CDH18: variants seen among roughly 807,000 people sequenced by gnomAD.
CDH18 encodes cadherin-18.
Under a neutral mutation model 67.9 loss-of-function variants are expected in CDH18, and 31 were observed. The observed-to-expected ratio is 0.46, with a 90% CI of 0.34 to 0.62. The LOEUF is 0.62. Ranked by LOEUF, CDH18 falls within the 20% of genes least tolerant of loss-of-function variation. The pLI is 0.01. For synonymous variants in CDH18, 362 were observed against 347.2 expected (o/e 1.04, Z -0.48); for missense variants, 890 against 975.5 (o/e 0.91, Z 1.17).
chr5:19,802,032 T>C (rs1487298755), intron 3 of CDH18, among the ~76,000 whole-genome samples: 1 of 152,048 alleles, frequency 6.6e-6, no homozygotes, highest in African/African-American at 2.4e-5. Flanking sequence ...AGCATAACAA[T>C]GACAATCCTA....
At chr5:19,901,726 A>C (rs1789958752) in intron 2 of CDH18, among the ~76,000 whole-genome samples, 1 of 152,004 alleles carries the variant, frequency 6.6e-6, no homozygotes, top group Non-Finnish European at 1.5e-5. Flanking sequence ...AAAATTTTAG[A>C]CTCAAAATGA....
At chr5:20,184,826 G>T (rs903981968) in intron 2 of CDH18, among the ~76,000 whole-genome samples, 3 of 152,014 alleles carry the variant, frequency 2.0e-5, no homozygotes, top group African/African-American at 7.2e-5. Flanking sequence ...CACTGTCTAG[G>T]ACCAGGATTC....
At chr5:19,696,733 T>G (rs2150452301) in intron 5 of CDH18, among the ~76,000 whole-genome samples, 1 of 152,266 alleles carries the variant, frequency 6.6e-6, no homozygotes, top group East Asian at 1.9e-4. Context: ...GAATATGATT[T>G]ATCATCTATG....
intron 2 of CDH18, among the ~76,000 whole-genome samples, chr5:19,935,227 G>A (rs563959339): frequency 6.6e-6 from 1 of 151,198 alleles, no homozygotes; most frequent in African/African-American, 2.4e-5. Context: ...ACATTTACTT[G>A]TCCCAACTTG....
intron 1 of CDH18, among the ~76,000 whole-genome samples, chr5:20,521,551 A>G (rs1274630780): frequency 6.6e-6 from 1 of 152,102 alleles, no homozygotes; most frequent in East Asian, 1.9e-4. Context: ...GTATGAGACA[A>G]TGAATGTAGG....
chr5:19,822,917 C>T (rs1022731895), intron 3 of CDH18, among the ~76,000 whole-genome samples: 2 of 152,102 alleles, frequency 1.3e-5, no homozygotes, highest in Non-Finnish European at 2.9e-5. Context: ...ATCCCTACAG[C>T]TCGACCATAA....
At chr5:19,796,262 A>T (rs1312089542) in intron 3 of CDH18, among the ~76,000 whole-genome samples, 1 of 152,124 alleles carries the variant, frequency 6.6e-6, no homozygotes, top group Non-Finnish European at 1.5e-5. Flanking sequence ...ACAAATCCAC[A>T]ACAAGATTTA....
intron 2 of CDH18, among the ~76,000 whole-genome samples, chr5:19,889,512 T>C (rs889196044): frequency 6.6e-6 from 1 of 152,110 alleles, no homozygotes; most frequent in African/African-American, 2.4e-5. Context: ...CTTTTGTTTT[T>C]CTTTTGTTAT....
At chr5:20,127,460 A>C (rs1748928064) in intron 2 of CDH18, among the ~76,000 whole-genome samples, 1 of 152,110 alleles carries the variant, frequency 6.6e-6, no homozygotes, top group Non-Finnish European at 1.5e-5. Context: ...CAGTGGATGA[A>C]TGGAAATAGA....
chr5:20,190,995 T>C (rs1424975465), intron 2 of CDH18, among the ~76,000 whole-genome samples: 1 of 152,164 alleles, frequency 6.6e-6, no homozygotes, highest in Non-Finnish European at 1.5e-5. Context: ...CTTTTGCATT[T>C]TCAACCCATA....
chr5:19,960,546 C>CAT lies in CDH18; in HGVS notation c.-257+20513_-257+20514insAT, dbSNP rs1554071986. Among the ~76,000 whole-genome samples, 238 of 128,088 alleles carry CAT rather than the reference C, an allele frequency of 1.9e-3. 6 individuals are homozygous for CAT. The highest frequency in any genetic ancestry group is 7.9e-3 in the African/African-American group (215 of 27,052). The allele number at this position is 128,088 out of a possible 152,430, so 84.0% of individuals were successfully genotyped here. A position where few individuals can be genotyped will look rare whatever the true frequency, so the allele number is the denominator to read the frequency against. On this transcript the variant is annotated intron_variant, in intron 2 of 12. Transcript: ENST00000382275. ...GACCTGCCTGAGGATGTTTAATATACGTGTGTGTGTGTGTATGTGTGTGTG... is the reference window on the plus strand; with the variant it reads ...GACCTGCCTGAGGATGTTTAATATACATGTGTGTGTGTGTGTATGTGTGTGTG...
At chr5:20,260,190 C>G (rs1744541734) in intron 1 of CDH18, among the ~76,000 whole-genome samples, 2 of 151,256 alleles carry the variant, frequency 1.3e-5, no homozygotes, top group East Asian at 4.0e-4. Context: ...TATTGCTGTC[C>G]CCAACACTTC....
intron 5 of CDH18, among the ~76,000 whole-genome samples, chr5:19,657,484 A>T (rs1756559043): frequency 6.6e-6 from 1 of 152,154 alleles, no homozygotes; most frequent in Non-Finnish European, 1.5e-5. Flanking sequence ...GGTTTTAGAT[A>T]TTATTTGAAA....
chr5:20,088,801 C>T (rs550477700), intron 2 of CDH18, among the ~76,000 whole-genome samples: 154 of 152,242 alleles, frequency 1.0e-3, no homozygotes, highest in African/African-American at 3.3e-3. Flanking sequence ...GAACAAGGAA[C>T]ATTCAAGAGG....
intron 1 of CDH18, among the ~76,000 whole-genome samples, chr5:20,281,057 T>G (rs924526449): frequency 4.6e-5 from 7 of 152,214 alleles, no homozygotes; most frequent in Non-Finnish European, 1.0e-4. Flanking sequence ...TGGGGTTGTT[T>G]GTTTTTTTCT....
chr5:20,039,867 A>C (rs1740250121), intron 2 of CDH18, among the ~76,000 whole-genome samples: 1 of 152,188 alleles, frequency 6.6e-6, no homozygotes, highest in African/African-American at 2.4e-5. Context: ...TAAACTAAAG[A>C]GCTTCTGCAC....
chr5:19,483,645 T>C (rs999186910), intron 11 of CDH18, 93 bp from the exon 12 acceptor site: 4 of 1,314,954 alleles, frequency 3.0e-6, no homozygotes, highest in African/African-American at 1.5e-5. Context: ...GATGTGTATC[T>C]TTCTTGTTTC....
At chr5:20,365,489 G>A (rs959326841) in intron 1 of CDH18, among the ~76,000 whole-genome samples, 1 of 152,026 alleles carries the variant, frequency 6.6e-6, no homozygotes, top group African/African-American at 2.4e-5. Context: ...TAGACACACT[G>A]TTTTCTTCCC....
intron 3 of CDH18, among the ~76,000 whole-genome samples, chr5:19,825,925 G>A (rs551841207): frequency 6.6e-6 from 1 of 152,076 alleles, no homozygotes; most frequent in Non-Finnish European, 1.5e-5. Context: ...AACATGGATA[G>A]GAATGAAGAT....
Sources: gnomAD v4.1 joint callset for allele counts (sites outside exome capture counted in the v4.1 genomes callset) on GRCh38, gnomAD v4.1.1 for gene constraint, MANE v1.5 for transcripts, NCBI Gene and HGNC (gene_info 2026-07-23, HGNC 2026-07-21) for gene names.